SPEF2: variants seen among roughly 807,000 people sequenced by gnomAD.
SPEF2 encodes the protein sperm flagella and cilia-associated protein 2.
Under a neutral mutation model 224.6 loss-of-function variants are expected in SPEF2, and 187 were observed. That is an observed-to-expected ratio of 0.83 (90% CI 0.74 to 0.94). The LOEUF (loss-of-function observed/expected upper bound fraction) is 0.94. Ranked by LOEUF, SPEF2 falls within the 40% of genes least tolerant of loss-of-function variation. SPEF2 has a pLI of 0.00. For missense variants in SPEF2, 2,170 were observed against 2,135.6 expected (o/e 1.02, Z -0.32); for synonymous variants, 715 against 707.3 (o/e 1.01, Z -0.17).
chr5:35,778,219 CCTTT>C (rs2149797040), intron 29 of SPEF2, among the ~76,000 whole-genome samples: 1 of 152,220 alleles, frequency 6.6e-6, no homozygotes, highest in South Asian at 2.1e-4. Flanking sequence ...TAAACAAGAT[CCTTT>C]CTTCAATACA....
At chr5:35,800,274 C>T (rs1163873214) in intron 34 of SPEF2, 127 bp downstream of exon 34, 12 of 1,018,822 alleles carry the variant, frequency 1.2e-5, no homozygotes, top group African/African-American at 1.1e-4. Flanking sequence ...TGATGCTTTA[C>T]ACATACTAGG....
chr5:35,670,201 G>A lies in SPEF2; in HGVS notation c.1498G>A (p.Asp500Asn), dbSNP rs34708521. The change falls in exon 10 of 37, where the codon GAT becomes AAT. Residue 500 changes from aspartate (D) to asparagine (N), a missense_variant. Transcript: ENST00000356031. ...AGAACTGGAGAAAAGGGACTTGCTA[G>A]ATACCAATGATTATGAAGAATATAA... is the stretch of plus-strand genomic sequence containing the variant. ...LTELEKRDLL[D>N]TNDYEEYKNM... 0.075 allele frequency: 121,127 copies of A among 1,609,122 alleles called. 6,772 individuals carry two copies. The highest frequency in any genetic ancestry group is 0.33 in the East Asian group (14,954 of 44,644).
chr5:35,700,204 T>C, intron 15 of SPEF2: 1 of 346,018 alleles, frequency 2.9e-6, no homozygotes, highest in Non-Finnish European at 5.2e-6. Flanking sequence ...CAGTCTTGGG[T>C]ATGTCTTTAT....
chr5:35,754,593 T>C (rs10044393), intron 24 of SPEF2, among the ~76,000 whole-genome samples: 1 of 152,010 alleles, frequency 6.6e-6, no homozygotes, highest in Non-Finnish European at 1.5e-5. Context: ...TACAAAGAGA[T>C]GGTTTTTAGG....
chr5:35,758,380 A>G (rs997573810), intron 24 of SPEF2, among the ~76,000 whole-genome samples: 1 of 152,196 alleles, frequency 6.6e-6, no homozygotes, highest in African/African-American at 2.4e-5. Flanking sequence ...AAGCACAGAT[A>G]TACACCATAT....
intron 10 of SPEF2, among the ~76,000 whole-genome samples, chr5:35,675,273 C>A (rs1161820265): frequency 6.6e-6 from 1 of 152,134 alleles, no homozygotes; most frequent in Admixed American, 6.5e-5. Flanking sequence ...TCCTAAAATA[C>A]AAACATTTCT....
chr5:35,692,165 C>G (rs1754603205), intron 11 of SPEF2, among the ~76,000 whole-genome samples: 2 of 152,052 alleles, frequency 1.3e-5, no homozygotes. Context: ...AATCCCTGCA[C>G]TTTGGAAGGC....
chr5:35,630,622 G>A (rs1317135315), intron 2 of SPEF2, among the ~76,000 whole-genome samples: 1 of 152,172 alleles, frequency 6.6e-6, no homozygotes, highest in African/African-American at 2.4e-5. Context: ...CATGAACCCG[G>A]GAGGCGGAGC....
intron 21 of SPEF2, among the ~76,000 whole-genome samples, chr5:35,737,609 A>C (rs988952519): frequency 1.9e-4 from 29 of 152,008 alleles, no homozygotes; most frequent in African/African-American, 7.0e-4. Context: ...AATCCAGTCT[A>C]TCATTGTTGG....
chr5:35,702,647 G>T (rs1353097977), intron 16 of SPEF2, among the ~76,000 whole-genome samples: 1 of 152,094 alleles, frequency 6.6e-6, no homozygotes, highest in Non-Finnish European at 1.5e-5. Flanking sequence ...GCATATTAGT[G>T]TATGCGTTTT....
At position 35,779,286 on chromosome 5, in the gene SPEF2, A is replaced by G; in HGVS notation, c.4387A>G (p.Thr1463Ala). The G allele has an allele frequency of 1.9e-6, 3 of 1,613,960 alleles. No homozygotes were observed. The South Asian group carries it at 3.3e-5, about 18-fold the overall frequency. The change falls in exon 30 of 37, where the codon ACC becomes GCC. Residue 1463 changes from threonine (T) to alanine (A), a missense_variant. Thr to Ala is a moderately conservative substitution (Grantham distance 58). Coordinates refer to ENST00000356031, the MANE Select transcript of SPEF2 (RefSeq NM_024867.4). ...ACCTGTAGAAAAGGAAGAAGATGGT[A>G]CCCTGACCATTGAACAGCTTGACAG... ...PPPVEKEEDG[T>A]LTIEQLDSLR...
At chr5:35,808,033 T>G (rs922443607) in intron 36 of SPEF2, 2 of 1,161,474 alleles carry the variant, frequency 1.7e-6, no homozygotes, top group African/African-American at 3.1e-5. Context: ...GCGCTTTCAC[T>G]TTGATAGAAT....
intron 15 of SPEF2, chr5:35,699,726 T>C (rs1738193362): frequency 6.6e-6 from 1 of 152,226 alleles, no homozygotes; most frequent in Admixed American, 6.5e-5. Flanking sequence ...TACCCCATTG[T>C]ATGAATTAGG....
chr5:35,812,131 C>A (rs181287282), intron 36 of SPEF2, among the ~76,000 whole-genome samples: 154 of 152,226 alleles, frequency 1.0e-3, no homozygotes, highest in African/African-American at 3.6e-3. Flanking sequence ...ACTTTTGCAC[C>A]AACCTACTTC....
chr5:35,706,049 T>A (rs1267179946), intron 18 of SPEF2, among the ~76,000 whole-genome samples: 1 of 127,668 alleles, frequency 7.8e-6, no homozygotes, highest in Non-Finnish European at 1.7e-5. Context: ...TGTTTTCACA[T>A]AAAAAAAAAA....
chr5:35,625,471 G>A (rs1435172108), intron 1 of SPEF2, among the ~76,000 whole-genome samples: 1 of 152,142 alleles, frequency 6.6e-6, no homozygotes, highest in Non-Finnish European at 1.5e-5. Flanking sequence ...TTCAGTCAAC[G>A]TGAACAACAG....
intron 21 of SPEF2, among the ~76,000 whole-genome samples, chr5:35,728,288 G>A (rs1295579732): frequency 2.0e-5 from 3 of 151,656 alleles, no homozygotes; most frequent in Admixed American, 2.0e-4. Flanking sequence ...ACCTGGGAAC[G>A]TTAATGGGTA....
intron 32 of SPEF2, 147 bp downstream of exon 32, chr5:35,793,488 C>CAGTG: frequency 1.4e-6 from 1 of 739,900 alleles, no homozygotes. Context: ...GCAGCACAGG[C>CAGTG]AGTGTCAAAG....
chr5:35,656,168 T>TG (rs1238867775), intron 7 of SPEF2, among the ~76,000 whole-genome samples: 3 of 152,066 alleles, frequency 2.0e-5, no homozygotes, highest in Non-Finnish European at 4.4e-5. Context: ...GGAACAAACT[T>TG]GGGGTGGGCA....
Sources: gnomAD v4.1 joint callset for allele counts (sites outside exome capture counted in the v4.1 genomes callset) on GRCh38, gnomAD v4.1.1 for gene constraint, MANE v1.5 for transcripts, NCBI Gene and HGNC (gene_info 2026-07-23, HGNC 2026-07-21) for gene names.